The following IFT80 variants were observed in gnomAD, a reference collection of about 807,000 sequenced individuals.
The protein encoded by IFT80 is intraflagellar transport protein 80 homolog.
A neutral mutation model predicts 107.9 loss-of-function variants in IFT80; 79 were observed. The ratio of observed to expected loss-of-function variants is 0.73; its 90% CI spans 0.61 to 0.88. The LOEUF is 0.88. Among genes scored for constraint, IFT80 ranks in the 40% least tolerant of loss-of-function variants. The pLI is 0.00. For missense variants in IFT80, 797 were observed against 914.2 expected, an observed-to-expected ratio of 0.87 and a Z score of 1.65; for synonymous variants, 299 against 300.9, an observed-to-expected ratio of 0.99 and a Z score of 0.07.
rs1300305627 is a variant in IFT80 at position 160,301,737 on chromosome 3, CT to C, written c.1152-692del. Among the ~76,000 whole-genome samples, 25 of 151,940 alleles carry C rather than the reference CT, an allele frequency of 1.6e-4. No homozygotes were observed. The East Asian group carries it at 4.8e-3, about 29-fold the overall frequency. Reference sequence around the variant, plus strand: ...AACTCAAAACATAAATATTTTATGGCTGTTATATTTTTCCTTTGAAAATTTA... The same window carrying C: ...AACTCAAAACATAAATATTTTATGGCGTTATATTTTTCCTTTGAAAATTTA... On this transcript the variant is annotated intron_variant, in intron 11 of 19. Transcript: ENST00000326448.
rs1718624377 is a variant in IFT80 at position 160,325,616 on chromosome 3, C to T, written c.778-5677G>A. On this transcript the variant is annotated intron_variant, in intron 8 of 19. Transcript: ENST00000326448. Reference sequence around the variant, plus strand: ...TCCTTTACCTGAAATGCTTGGGAGCCAGAAGCGAATTTTGAATTTCTTCAG... The same window carrying T: ...TCCTTTACCTGAAATGCTTGGGAGCTAGAAGCGAATTTTGAATTTCTTCAG... Among the ~76,000 whole-genome samples, 4 of 151,896 alleles carry T rather than the reference C, an allele frequency of 2.6e-5. No homozygotes were observed. In the South Asian group the frequency reaches 8.3e-4, roughly 32 times the overall value.
intron 11 of IFT80, among the ~76,000 whole-genome samples, chr3:160,303,432 G>A (rs1308378463): frequency 6.6e-6 from 1 of 152,120 alleles, no homozygotes; most frequent in Non-Finnish European, 1.5e-5. Context: ...TCAGGTCACA[G>A]ACCAGTAGGC....
intron 5 of IFT80, among the ~76,000 whole-genome samples, chr3:160,373,882 G>A (rs1012099890): frequency 6.6e-6 from 1 of 152,124 alleles, no homozygotes; most frequent in Non-Finnish European, 1.5e-5. Flanking sequence ...TTACTCACTC[G>A]CCCACCCACT....
chr3:160,267,283 A>G (rs963839540), intron 19 of IFT80, among the ~76,000 whole-genome samples: 1 of 152,122 alleles, frequency 6.6e-6, no homozygotes, highest in Non-Finnish European at 1.5e-5. Context: ...CCTTCTCTCT[A>G]TCTTCTCTCC....
chr3:160,389,165 T>C (rs1294932427), intron 1 of IFT80, among the ~76,000 whole-genome samples: 1 of 152,172 alleles, frequency 6.6e-6, no homozygotes, highest in Non-Finnish European at 1.5e-5. Flanking sequence ...TGAGGTTCCA[T>C]TCAACCTTTC....
chr3:160,258,783 A>C, intron 19 of IFT80, 148 bp from the exon 20 acceptor site: 2 of 1,119,658 alleles, frequency 1.8e-6, no homozygotes, highest in Admixed American at 5.1e-5. Context: ...AGAAAAAGAG[A>C]GCATCAAAGT....
chr3:160,353,739 T>A (rs989206862), intron 8 of IFT80, among the ~76,000 whole-genome samples: 4 of 152,224 alleles, frequency 2.6e-5, no homozygotes, highest in African/African-American at 9.6e-5. Flanking sequence ...CATAATGTAC[T>A]GTAAGTCTTA....
At chr3:160,353,500 G>T (rs899172326) in intron 8 of IFT80, among the ~76,000 whole-genome samples, 1 of 152,142 alleles carries the variant, frequency 6.6e-6, no homozygotes, top group African/African-American at 2.4e-5. Flanking sequence ...TTATCTCCTG[G>T]TATTATGCCA....
chr3:160,380,537 C>T lies in IFT80; in HGVS notation c.259+966G>A, dbSNP rs139776918. 2.0e-3 allele frequency among the ~76,000 whole-genome samples: 306 copies of T among 152,260 alleles called. 1 individual carries two copies. In the East Asian group the frequency reaches 0.024, roughly 12 times the overall value. On this transcript the variant is annotated intron_variant, in intron 3 of 19. Coordinates refer to ENST00000326448, the MANE Select transcript of IFT80 (RefSeq NM_020800.3). ...GATGCAACTAGTGCTTGATCTACCCCTACAGCTAGGTGAACCAAAAAACTC... is the reference window on the plus strand; with the variant it reads ...GATGCAACTAGTGCTTGATCTACCCTTACAGCTAGGTGAACCAAAAAACTC...
At chr3:160,356,722 T>C (rs974337451) in intron 7 of IFT80, among the ~76,000 whole-genome samples, 1 of 152,160 alleles carries the variant, frequency 6.6e-6, no homozygotes, top group African/African-American at 2.4e-5. Context: ...GGTCTTGTTA[T>C]ATTGCCTAGG....
At chr3:160,290,003 A>C (rs986907823) in intron 12 of IFT80, among the ~76,000 whole-genome samples, 5 of 152,172 alleles carry the variant, frequency 3.3e-5, no homozygotes, top group Non-Finnish European at 7.3e-5. Context: ...TGAAAGTTTG[A>C]ATGAAAACTG....
At chr3:160,320,165 G>A (rs1256748304) in intron 8 of IFT80, 2 of 458,574 alleles carry the variant, frequency 4.4e-6, no homozygotes, top group South Asian at 3.6e-5. Context: ...AATATCTCAA[G>A]AACTGTAAAA....
At chr3:160,297,613 T>C (rs1716087199) in intron 12 of IFT80, among the ~76,000 whole-genome samples, 1 of 152,004 alleles carries the variant, frequency 6.6e-6, no homozygotes, top group Non-Finnish European at 1.5e-5. Flanking sequence ...CTTCTAAGGT[T>C]GCCAATTATG....
At chr3:160,295,598 C>CA (rs112977255) in intron 12 of IFT80, among the ~76,000 whole-genome samples, 91 of 142,598 alleles carry the variant, frequency 6.4e-4, no homozygotes, top group African/African-American at 1.4e-3. Flanking sequence ...GACCCCATCT[C>CA]AAAAAAAAAA....
chr3:160,285,658 T>C, intron 13 of IFT80, 146 bp downstream of exon 13: 2 of 625,692 alleles, frequency 3.2e-6, no homozygotes, highest in South Asian at 2.2e-5. Context: ...GTGACATCTT[T>C]AGGCAAAATA....
intron 19 of IFT80, among the ~76,000 whole-genome samples, chr3:160,263,812 G>A (rs1389599280): frequency 1.3e-5 from 2 of 151,734 alleles, no homozygotes; most frequent in Admixed American, 6.6e-5. Context: ...GAGTAGCTGG[G>A]ACTACAGGTG....
chr3:160,361,817 T>C (rs1721512340), intron 6 of IFT80, among the ~76,000 whole-genome samples: 1 of 152,200 alleles, frequency 6.6e-6, no homozygotes, highest in African/African-American at 2.4e-5. Flanking sequence ...AAAGATGTTC[T>C]TTGAAACCAA....
intron 9 of IFT80, among the ~76,000 whole-genome samples, chr3:160,310,961 A>T (rs1351637214): frequency 6.6e-6 from 1 of 152,218 alleles, no homozygotes; most frequent in East Asian, 1.9e-4. Flanking sequence ...CTCTACAAAA[A>T]ACAAACAAAA....
chr3:160,282,717 A>G, intron 13 of IFT80, 104 bp from the exon 14 acceptor site: 1 of 727,554 alleles, frequency 1.4e-6, no homozygotes, highest in South Asian at 1.8e-5. Context: ...ATTAAATGTC[A>G]TTTCCCCATT....
Sources: gnomAD v4.1 joint callset for allele counts (sites outside exome capture counted in the v4.1 genomes callset) on GRCh38, gnomAD v4.1.1 for gene constraint, MANE v1.5 for transcripts, NCBI Gene and HGNC (gene_info 2026-07-23, HGNC 2026-07-21) for gene names.